The following ASIC2 variants were observed in gnomAD, a reference collection of about 807,000 sequenced individuals.
ASIC2 encodes acid-sensing ion channel 2.
In ASIC2, 25 loss-of-function variants were observed where a neutral mutation model predicts 57.3. The ratio of observed to expected loss-of-function variants is 0.44; its 90% CI spans 0.32 to 0.61. ASIC2 has a LOEUF of 0.61. Among genes scored for constraint, ASIC2 ranks in the 20% least tolerant of loss-of-function variants. The pLI is 0.06. For missense variants in ASIC2, 641 were observed against 738.1 expected, an observed-to-expected ratio of 0.87 and a Z score of 1.52; for synonymous variants, 319 against 307.5, an observed-to-expected ratio of 1.04 and a Z score of -0.39.
At chr17:33,282,687 C>G (rs1472715575) in intron 1 of ASIC2, among the ~76,000 whole-genome samples, 2 of 152,156 alleles carry the variant, frequency 1.3e-5, no homozygotes, top group African/African-American at 4.8e-5. Context: ...GTTGGCCAGA[C>G]TGGTCTTGAA....
At chr17:33,145,646 A>C (rs776448691) in intron 1 of ASIC2, among the ~76,000 whole-genome samples, 2 of 152,216 alleles carry the variant, frequency 1.3e-5, no homozygotes, top group Non-Finnish European at 2.9e-5. Context: ...GATTTATTTT[A>C]ACTTTTTTTG....
At chr17:33,805,206 T>C (rs1417741961) in intron 1 of ASIC2, among the ~76,000 whole-genome samples, 1 of 152,208 alleles carries the variant, frequency 6.6e-6, no homozygotes, top group South Asian at 2.1e-4. Context: ...TTCAGATTGA[T>C]GTTACAGTTG....
At chr17:33,702,505 C>A (rs1908734115) in intron 1 of ASIC2, among the ~76,000 whole-genome samples, 2 of 152,132 alleles carry the variant, frequency 1.3e-5, no homozygotes. Flanking sequence ...CAGCGTCACA[C>A]CTTTAACTTC....
chr17:33,751,106 G>GAA (rs1910417049), intron 1 of ASIC2, among the ~76,000 whole-genome samples: 1 of 152,192 alleles, frequency 6.6e-6, no homozygotes, highest in Non-Finnish European at 1.5e-5. Context: ...GACGGGTGGG[G>GAA]AGGCTGAGTT....
intron 1 of ASIC2, among the ~76,000 whole-genome samples, chr17:33,919,491 C>T (rs1330241506): frequency 6.6e-6 from 1 of 152,078 alleles, no homozygotes; most frequent in East Asian, 1.9e-4. Context: ...TGGATTCATA[C>T]CCTTTACCAT....
chr17:33,048,108 G>A (rs951202943), intron 3 of ASIC2, among the ~76,000 whole-genome samples: 3 of 152,194 alleles, frequency 2.0e-5, no homozygotes, highest in African/African-American at 7.2e-5. Flanking sequence ...CTCTCTCCAC[G>A]TGAGCACTGA....
intron 1 of ASIC2, among the ~76,000 whole-genome samples, chr17:33,859,246 A>G (rs888870591): frequency 2.6e-5 from 4 of 152,240 alleles, no homozygotes; most frequent in South Asian, 2.1e-4. Flanking sequence ...TCAAAAAGAT[A>G]TGAAGGGATT....
At chr17:33,959,730 G>A (rs144939623) in intron 1 of ASIC2, among the ~76,000 whole-genome samples, 20 of 152,280 alleles carry the variant, frequency 1.3e-4, no homozygotes, top group African/African-American at 3.9e-4. Flanking sequence ...ACTAGATGGC[G>A]CCCACTCAGA....
intron 1 of ASIC2, among the ~76,000 whole-genome samples, chr17:33,242,398 C>T (rs1177486328): frequency 6.6e-6 from 1 of 151,992 alleles, no homozygotes; most frequent in African/African-American, 2.4e-5. Context: ...AAAATCACAA[C>T]TGCCTGTGTT....
chr17:33,500,579 A>T (rs921603474), intron 1 of ASIC2, among the ~76,000 whole-genome samples: 2 of 152,310 alleles, frequency 1.3e-5, no homozygotes, highest in African/African-American at 4.8e-5. Flanking sequence ...GGTCAAATAG[A>T]TGTGGGTGAC....
At chr17:33,294,639 C>T (rs1238566195), upstream of ASIC2, among the ~76,000 whole-genome samples, 2 of 152,108 alleles carry the variant, frequency 1.3e-5, no homozygotes, top group Non-Finnish European at 2.9e-5. Context: ...ACACACTACA[C>T]ATACAACACA....
At chr17:33,354,017 G>A (rs762711756) in intron 1 of ASIC2, among the ~76,000 whole-genome samples, 61 of 152,276 alleles carry the variant, frequency 4.0e-4, no homozygotes, top group Middle Eastern at 3.4e-3. Context: ...AGGCAAAAGA[G>A]GAGCAAAGGC....
chr17:33,336,330 G>A (rs777709739), intron 1 of ASIC2, among the ~76,000 whole-genome samples: 3 of 152,030 alleles, frequency 2.0e-5, no homozygotes, highest in Admixed American at 6.5e-5. Context: ...TACTGATCCC[G>A]TCTCTATTTA....
intron 1 of ASIC2, among the ~76,000 whole-genome samples, chr17:33,997,671 A>G (rs1409445875): frequency 2.0e-5 from 3 of 152,116 alleles, no homozygotes; most frequent in Non-Finnish European, 4.4e-5. Context: ...GCGGTGTATC[A>G]CATTTGCTGA....
At chr17:33,913,047 T>C (rs1422433047) in intron 1 of ASIC2, among the ~76,000 whole-genome samples, 1 of 152,020 alleles carries the variant, frequency 6.6e-6, no homozygotes, top group Admixed American at 6.6e-5. Context: ...GCTCTACCTT[T>C]TTGAGCAGCA....
chr17:33,559,819 G>A (rs1916017465), intron 1 of ASIC2, among the ~76,000 whole-genome samples: 1 of 151,860 alleles, frequency 6.6e-6, no homozygotes. Context: ...CCTGCCTTAT[G>A]ATAGCTATGT....
At chr17:33,830,112 A>G (rs1276116418) in intron 1 of ASIC2, among the ~76,000 whole-genome samples, 1 of 152,194 alleles carries the variant, frequency 6.6e-6, no homozygotes, top group Non-Finnish European at 1.5e-5. Context: ...CACTTATTAG[A>G]AAGCTCTTCC....
chr17:33,593,918 A>G (rs190014650), intron 1 of ASIC2, among the ~76,000 whole-genome samples: 152 of 152,278 alleles, frequency 1.0e-3, no homozygotes, highest in Non-Finnish European at 1.5e-3. Flanking sequence ...CCTGCTAATA[A>G]ATCAATATTC....
At chr17:33,751,069 A>G (rs955305615) in intron 1 of ASIC2, among the ~76,000 whole-genome samples, 2 of 152,132 alleles carry the variant, frequency 1.3e-5, no homozygotes. Context: ...TGATATGTTA[A>G]TCAGCTTGGA....
Sources: allele counts gnomAD v4.1 joint callset (sites outside exome capture counted in the v4.1 genomes callset), GRCh38; gene constraint gnomAD v4.1.1; transcripts MANE v1.5; gene names NCBI Gene and HGNC (gene_info 2026-07-23, HGNC 2026-07-21).